The following ABTB3 variants were observed in gnomAD, a reference collection of about 807,000 sequenced individuals.
ABTB3 encodes the protein ankyrin repeat- and BTB/POZ domain-containing protein 3.
chr12:107,321,607 A>T, the ABTB3 span, among the ~76,000 whole-genome samples: 3 of 76,172 alleles, frequency 3.9e-5, no homozygotes, highest in Non-Finnish European at 7.9e-5. Context: ...TCGAGGCCAC[A>T]CACACACACA....
chr12:107,550,182 A>G, the ABTB3 span, among the ~76,000 whole-genome samples: 1 of 152,186 alleles, frequency 6.6e-6, no homozygotes, highest in East Asian at 1.9e-4. Flanking sequence ...TAACCAGGCT[A>G]CATAACCTGG....
At chr12:107,520,410 T>C in the ABTB3 span, 1 of 1,552,192 alleles carries the variant, frequency 6.4e-7, no homozygotes, top group Non-Finnish European at 8.7e-7. Context: ...TTGTGCAAGA[T>C]GTTGCACCCT....
the ABTB3 span, among the ~76,000 whole-genome samples, chr12:107,326,812 A>T: frequency 1.3e-5 from 2 of 152,230 alleles, no homozygotes; most frequent in African/African-American, 4.8e-5. Flanking sequence ...TAATCATGGA[A>T]GGTACATACA....
At chr12:107,325,727 C>T in the ABTB3 span, among the ~76,000 whole-genome samples, 5 of 152,174 alleles carry the variant, frequency 3.3e-5, no homozygotes, top group Non-Finnish European at 7.3e-5. Flanking sequence ...GACTTATTAT[C>T]TACTGAGAGG....
the ABTB3 span, among the ~76,000 whole-genome samples, chr12:107,452,858 A>G: frequency 6.6e-6 from 1 of 152,208 alleles, no homozygotes; most frequent in African/African-American, 2.4e-5. Flanking sequence ...AAAAACAAGT[A>G]AACAACAACA....
the ABTB3 span, among the ~76,000 whole-genome samples, chr12:107,361,928 G>A: frequency 1.3e-5 from 2 of 152,148 alleles, no homozygotes; most frequent in East Asian, 3.9e-4. Context: ...TATAAAAAAG[G>A]GACCCCAGAA....
chr12:107,326,266 T>C, the ABTB3 span, among the ~76,000 whole-genome samples: 1 of 152,204 alleles, frequency 6.6e-6, no homozygotes, highest in East Asian at 1.9e-4. Context: ...AGAAATTCAT[T>C]TCTTATACAC....
chr12:107,608,327 C>T, the ABTB3 span, among the ~76,000 whole-genome samples: 1 of 152,194 alleles, frequency 6.6e-6, no homozygotes, highest in South Asian at 2.1e-4. Context: ...ACCCTCCGTC[C>T]TCTCATAGGG....
At chr12:107,642,281 C>A in the ABTB3 span, 1 of 954,432 alleles carries the variant, frequency 1.0e-6, no homozygotes, top group South Asian at 1.4e-5. Context: ...TTGGAATGAG[C>A]TGTCAGTCTC....
chr12:107,569,364 T>C, the ABTB3 span, among the ~76,000 whole-genome samples: 1 of 152,234 alleles, frequency 6.6e-6, no homozygotes, highest in African/African-American at 2.4e-5. Context: ...TTTCTGACTC[T>C]TAGAATGTCT....
the ABTB3 span, among the ~76,000 whole-genome samples, chr12:107,407,856 T>C: frequency 6.6e-6 from 1 of 152,068 alleles, no homozygotes; most frequent in Non-Finnish European, 1.5e-5. Flanking sequence ...CTAGGATTGC[T>C]GTTCCAGATT....
the ABTB3 span, among the ~76,000 whole-genome samples, chr12:107,621,628 G>A: frequency 1.3e-4 from 20 of 152,208 alleles, no homozygotes; most frequent in Admixed American, 4.6e-4. Context: ...TCATAACTAC[G>A]ATGCCAAATG....
At chr12:107,323,582 G>A in the ABTB3 span, among the ~76,000 whole-genome samples, 1 of 152,170 alleles carries the variant, frequency 6.6e-6, no homozygotes, top group African/African-American at 2.4e-5. Flanking sequence ...TGTTTCTGTG[G>A]AGTTTTAAAA....
chr12:107,375,620 G>A, the ABTB3 span, among the ~76,000 whole-genome samples: 1 of 152,178 alleles, frequency 6.6e-6, no homozygotes. Context: ...CAGGTAGCGC[G>A]AAGTTTCTGG....
the ABTB3 span, among the ~76,000 whole-genome samples, chr12:107,654,385 G>C: frequency 1.3e-5 from 2 of 152,172 alleles, no homozygotes; most frequent in Admixed American, 1.3e-4. Flanking sequence ...TGTAACCTTT[G>C]CCTCCCAGGT....
the ABTB3 span, chr12:107,486,554 C>T: frequency 6.6e-6 from 1 of 152,036 alleles, no homozygotes. Context: ...TTTCTCCCTT[C>T]CAAGTATTAA....
the ABTB3 span, among the ~76,000 whole-genome samples, chr12:107,627,044 T>TC: frequency 6.6e-6 from 1 of 152,156 alleles, no homozygotes; most frequent in South Asian, 2.1e-4. Flanking sequence ...ACTGACACGT[T>TC]CCCAGTTCCA....
At chr12:107,461,022 A>G in the ABTB3 span, among the ~76,000 whole-genome samples, 1 of 152,176 alleles carries the variant, frequency 6.6e-6, no homozygotes, top group African/African-American at 2.4e-5. Context: ...ATGGGCTCAC[A>G]GTTCCTCAGG....
the ABTB3 span, among the ~76,000 whole-genome samples, chr12:107,619,235 G>T: frequency 4.6e-5 from 7 of 152,154 alleles, no homozygotes; most frequent in African/African-American, 1.4e-4. Flanking sequence ...TCGAGATTCC[G>T]AATGGGCTAC....
Sources: allele counts gnomAD v4.1 joint callset (sites outside exome capture counted in the v4.1 genomes callset), GRCh38; gene constraint gnomAD v4.1.1; transcripts MANE v1.5; gene names NCBI Gene and HGNC (gene_info 2026-07-23, HGNC 2026-07-21).